ERBB4: variants seen among roughly 807,000 people sequenced by gnomAD.
The protein encoded by ERBB4 is receptor tyrosine-protein kinase erbB-4.
In ERBB4, 42 loss-of-function variants were observed where a neutral mutation model predicts 158.0. The ratio of observed to expected loss-of-function variants is 0.27; its 90% CI spans 0.21 to 0.34. The LOEUF is 0.34. ERBB4 is among the 10% of genes least tolerant of loss of function. ERBB4 has a pLI of 1.00. For missense variants in ERBB4, 1,333 were observed against 1,624.1 expected, an observed-to-expected ratio of 0.82 and a Z score of 3.08; for synonymous variants, 583 against 558.7, an observed-to-expected ratio of 1.04 and a Z score of -0.61.
At chr2:212,094,017 T>TG (rs2078855915) in intron 2 of ERBB4, among the ~76,000 whole-genome samples, 1 of 152,000 alleles carries the variant, frequency 6.6e-6, no homozygotes. Flanking sequence ...TAAGATAACT[T>TG]GGTTCAATTA....
intron 7 of ERBB4, among the ~76,000 whole-genome samples, chr2:211,718,303 G>C (rs111384394): frequency 8.1e-4 from 124 of 152,248 alleles, no homozygotes; most frequent in African/African-American, 2.8e-3. Flanking sequence ...ATAAGGGAAC[G>C]AAGCCACGAT....
chr2:212,269,911 C>T (rs1188481378), intron 1 of ERBB4, among the ~76,000 whole-genome samples: 1 of 151,776 alleles, frequency 6.6e-6, no homozygotes, highest in African/African-American at 2.4e-5. Context: ...CTAAGTATCA[C>T]GTCAAAGAAA....
intron 1 of ERBB4, among the ~76,000 whole-genome samples, chr2:212,244,558 A>AAT (rs2084241526): frequency 6.6e-6 from 1 of 152,176 alleles, no homozygotes; most frequent in Non-Finnish European, 1.5e-5. Flanking sequence ...GCACTTATAT[A>AAT]AAGAGAGACG....
chr2:212,296,023 C>G (rs1170171571), intron 1 of ERBB4, among the ~76,000 whole-genome samples: 6 of 151,662 alleles, frequency 4.0e-5, no homozygotes, highest in African/African-American at 1.2e-4. Flanking sequence ...TTAGATGATC[C>G]CAGGATTGAT....
chr2:212,452,740 TAA>T (rs1688064346), intron 1 of ERBB4, among the ~76,000 whole-genome samples: 1 of 152,154 alleles, frequency 6.6e-6, no homozygotes, highest in Non-Finnish European at 1.5e-5. Context: ...AAACTGACTC[TAA>T]GTTTAAAATT....
chr2:211,411,406 C>T (rs2063259490), intron 25 of ERBB4, among the ~76,000 whole-genome samples: 1 of 152,102 alleles, frequency 6.6e-6, no homozygotes, highest in Admixed American at 6.5e-5. Flanking sequence ...TTTTTGATAT[C>T]CCTGTAATTT....
chr2:211,416,626 T>C (rs528433528), intron 25 of ERBB4, among the ~76,000 whole-genome samples: 2 of 152,196 alleles, frequency 1.3e-5, no homozygotes, highest in African/African-American at 4.8e-5. Context: ...ATTACTTGTA[T>C]AACAATCAGC....
At chr2:212,535,032 A>C (rs1692968225) in intron 1 of ERBB4, among the ~76,000 whole-genome samples, 1 of 152,142 alleles carries the variant, frequency 6.6e-6, no homozygotes. Context: ...TTTTCAACAA[A>C]ATTTCACTTT....
intron 1 of ERBB4, among the ~76,000 whole-genome samples, chr2:212,466,936 G>C (rs1688867533): frequency 6.6e-6 from 1 of 152,176 alleles, no homozygotes; most frequent in Admixed American, 6.6e-5. Flanking sequence ...GTTTCAGATG[G>C]AGATGAACTT....
At chr2:212,204,602 T>C (rs13013744) in intron 1 of ERBB4, among the ~76,000 whole-genome samples, 82,270 of 150,818 alleles carry the variant, frequency 0.55, 24,180 homozygotes, top group African/African-American at 0.74. Context: ...GATGGGGAGG[T>C]ACAAGAATTG....
At chr2:212,149,044 T>C (rs1216208495) in intron 1 of ERBB4, among the ~76,000 whole-genome samples, 10 of 135,440 alleles carry the variant, frequency 7.4e-5, no homozygotes, top group African/African-American at 1.7e-4. Context: ...AGGGATAGCA[T>C]TGGGAGATAT....
chr2:212,268,821 G>A (rs552790612), intron 1 of ERBB4, among the ~76,000 whole-genome samples: 2 of 151,884 alleles, frequency 1.3e-5, no homozygotes, highest in South Asian at 2.1e-4. Context: ...TAGGAGGGAT[G>A]CTGAGCTGAA....
chr2:212,065,805 T>C (rs1284706563), intron 2 of ERBB4, among the ~76,000 whole-genome samples: 1 of 151,988 alleles, frequency 6.6e-6, no homozygotes, highest in Non-Finnish European at 1.5e-5. Flanking sequence ...TAAACACTAT[T>C]TCCCAACCCC....
At chr2:211,736,771 G>A (rs1230627105) in intron 5 of ERBB4, among the ~76,000 whole-genome samples, 1 of 152,020 alleles carries the variant, frequency 6.6e-6, no homozygotes, top group Non-Finnish European at 1.5e-5. Flanking sequence ...GGAAATTTGG[G>A]ATCGTTCAGT....
At chr2:212,445,188 A>G (rs1243970948) in intron 1 of ERBB4, among the ~76,000 whole-genome samples, 1 of 152,048 alleles carries the variant, frequency 6.6e-6, no homozygotes, top group East Asian at 1.9e-4. Context: ...CTAGGTGACA[A>G]TATTTTGCAG....
At chr2:212,471,115 G>A (rs1489855061) in intron 1 of ERBB4, among the ~76,000 whole-genome samples, 1 of 152,000 alleles carries the variant, frequency 6.6e-6, no homozygotes, top group African/African-American at 2.4e-5. Context: ...TCAACCCAAT[G>A]TTTTGGCTAG....
intron 19 of ERBB4, among the ~76,000 whole-genome samples, chr2:211,612,743 G>C (rs2069246655): frequency 6.6e-6 from 1 of 152,072 alleles, no homozygotes; most frequent in African/African-American, 2.4e-5. Flanking sequence ...GTATTAAAAA[G>C]TAGGGAGATC....
intron 20 of ERBB4, among the ~76,000 whole-genome samples, chr2:211,539,174 A>C (rs1041409221): frequency 1.3e-5 from 2 of 151,958 alleles, no homozygotes; most frequent in Non-Finnish European, 2.9e-5. Context: ...AAATCAATAA[A>C]ACATTTGACT....
At chr2:212,044,011 C>T (rs1024203731) in intron 2 of ERBB4, among the ~76,000 whole-genome samples, 1 of 152,006 alleles carries the variant, frequency 6.6e-6, no homozygotes, top group Non-Finnish European at 1.5e-5. Flanking sequence ...TCATAATCAT[C>T]GAGTGCTATA....
Sources: allele counts gnomAD v4.1 joint callset (sites outside exome capture counted in the v4.1 genomes callset), GRCh38; gene constraint gnomAD v4.1.1; transcripts MANE v1.5; gene names NCBI Gene and HGNC (gene_info 2026-07-23, HGNC 2026-07-21).